The following ANO2 variants were observed in gnomAD, a reference collection of about 807,000 sequenced individuals.
The protein encoded by ANO2 is anoctamin-2.
In ANO2, 101 loss-of-function variants were observed where a neutral mutation model predicts 124.2. The ratio of observed to expected loss-of-function variants is 0.81; its 90% CI spans 0.69 to 0.96. ANO2 has a LOEUF of 0.96. Ranked by LOEUF, ANO2 falls within the 40% of genes least tolerant of loss-of-function variation. The pLI is 0.00. For missense variants in ANO2, 1,293 were observed against 1,274.5 expected, an observed-to-expected ratio of 1.01 and a Z score of -0.22; for synonymous variants, 486 against 482.5, an observed-to-expected ratio of 1.01 and a Z score of -0.09.
chr12:5,923,163 T>TACACAC (rs60529043), intron 1 of ANO2, among the ~76,000 whole-genome samples: 4,685 of 16,006 alleles, frequency 0.29, 1,358 homozygotes, highest in Middle Eastern at 0.5. Flanking sequence ...CACACACGCA[T>TACACAC]ACACACACAC....
At chr12:5,812,075 G>A (rs1953405395) in intron 7 of ANO2, among the ~76,000 whole-genome samples, 1 of 149,070 alleles carries the variant, frequency 6.7e-6, no homozygotes, top group African/African-American at 2.5e-5. Flanking sequence ...GGGGAGAAGA[G>A]GGGAGAGGAA....
chr12:5,893,969 T>C (rs933181751), intron 3 of ANO2, among the ~76,000 whole-genome samples: 5 of 152,196 alleles, frequency 3.3e-5, no homozygotes, highest in South Asian at 2.1e-4. Flanking sequence ...TGTGTCTTTA[T>C]AGTAGAACAA....
At chr12:5,814,542 T>C (rs146709954) in intron 7 of ANO2, among the ~76,000 whole-genome samples, 3 of 150,096 alleles carry the variant, frequency 2.0e-5, no homozygotes, top group South Asian at 2.1e-4. Flanking sequence ...TGCTCTATTC[T>C]TTCTCCTGAC....
At chr12:5,713,314 T>C (rs1591972025) in intron 14 of ANO2, among the ~76,000 whole-genome samples, 1 of 152,242 alleles carries the variant, frequency 6.6e-6, no homozygotes, top group South Asian at 2.1e-4. Flanking sequence ...TGGTGTCATT[T>C]AACAAGAATG....
intron 14 of ANO2, among the ~76,000 whole-genome samples, chr12:5,655,771 A>C: frequency 6.6e-6 from 1 of 152,240 alleles, no homozygotes; most frequent in Non-Finnish European, 1.5e-5. Context: ...AATAAGTGGC[A>C]GCTCTGGAAT....
At chr12:5,600,098 C>G (rs1943863026) in intron 19 of ANO2, among the ~76,000 whole-genome samples, 1 of 152,186 alleles carries the variant, frequency 6.6e-6, no homozygotes, top group Non-Finnish European at 1.5e-5. Flanking sequence ...CTACTATGGA[C>G]TGAATGATGT....
intron 7 of ANO2, among the ~76,000 whole-genome samples, chr12:5,819,151 A>G (rs1180182217): frequency 1.3e-5 from 2 of 152,160 alleles, no homozygotes; most frequent in Non-Finnish European, 2.9e-5. Flanking sequence ...GCCTCCCCTG[A>G]GGCAGTTGCC....
intron 15 of ANO2, among the ~76,000 whole-genome samples, chr12:5,643,003 T>C (rs753598757): frequency 6.6e-6 from 1 of 152,144 alleles, no homozygotes; most frequent in Non-Finnish European, 1.5e-5. Context: ...ACCAACCTAT[T>C]TAATATATGT....
intron 10 of ANO2, among the ~76,000 whole-genome samples, chr12:5,792,936 C>T (rs1952739079): frequency 6.6e-6 from 1 of 152,180 alleles, no homozygotes; most frequent in Admixed American, 6.5e-5. Context: ...GTATGTAAGG[C>T]TCCTCCTCTT....
At chr12:5,609,046 G>A (rs370039766) in intron 19 of ANO2, 16 of 152,192 alleles carry the variant, frequency 1.1e-4, no homozygotes, top group African/African-American at 3.4e-4. Context: ...TGGTTTCAAA[G>A]GGGCCAGATG....
intron 4 of ANO2, among the ~76,000 whole-genome samples, chr12:5,845,247 A>C (rs1954645911): frequency 6.6e-6 from 1 of 151,656 alleles, no homozygotes; most frequent in African/African-American, 2.4e-5. Flanking sequence ...CCTGGGCAAG[A>C]CTTTTTTGAA....
chr12:5,596,981 G>A (rs1943694388), intron 20 of ANO2, among the ~76,000 whole-genome samples: 1 of 152,046 alleles, frequency 6.6e-6, no homozygotes, highest in Non-Finnish European at 1.5e-5. Context: ...CTTGATAAGG[G>A]CAAGTGGGTA....
chr12:5,747,129 G>T (rs1366513011), intron 11 of ANO2, among the ~76,000 whole-genome samples: 2 of 152,232 alleles, frequency 1.3e-5, no homozygotes, highest in Non-Finnish European at 2.9e-5. Context: ...GAAGCTAGAA[G>T]AAGTGCACGC....
intron 10 of ANO2, among the ~76,000 whole-genome samples, chr12:5,789,024 C>T (rs750525544): frequency 1.3e-5 from 2 of 152,212 alleles, no homozygotes; most frequent in African/African-American, 2.4e-5. Flanking sequence ...CGAGACCTAA[C>T]CTTCTTAATC....
chr12:5,857,807 T>TAGATAGATAGATAGAC (rs1955150810), intron 3 of ANO2, among the ~76,000 whole-genome samples: 1 of 151,962 alleles, frequency 6.6e-6, no homozygotes, highest in Admixed American at 6.6e-5. Flanking sequence ...GATAGATAGA[T>TAGATAGATAGATAGAC]AGATAGATAG....
rs567698375 is a variant in ANO2 at position 5,706,381 on chromosome 12, C to G, written c.1545+26139G>C. On this transcript the variant is annotated intron_variant, in intron 14 of 24. Coordinates refer to ENST00000682330, the MANE Select transcript of ANO2 (RefSeq NM_001364791.2). ...TTTTGCTCTTTCCCATCCTGTCACA[C>G]TGGACGCCTGACTGCTCCTCTAACA... Among the ~76,000 whole-genome samples, 15 of 152,230 alleles carry G rather than the reference C, an allele frequency of 9.9e-5. No individual in the cohort carries two copies. In the East Asian group the frequency reaches 2.9e-3, roughly 29 times the overall value.
At chr12:5,808,220 T>A (rs1953264060) in intron 7 of ANO2, among the ~76,000 whole-genome samples, 1 of 152,238 alleles carries the variant, frequency 6.6e-6, no homozygotes, top group Non-Finnish European at 1.5e-5. Flanking sequence ...TATGTTTTAA[T>A]TCCAACAGTG....
At chr12:5,659,138 T>C (rs966139893) in intron 14 of ANO2, among the ~76,000 whole-genome samples, 2 of 152,158 alleles carry the variant, frequency 1.3e-5, no homozygotes, top group Non-Finnish European at 2.9e-5. Flanking sequence ...GGGTGAGCTT[T>C]CAAGGCCTCT....
chr12:5,564,111 C>T (rs1282316404), intron 24 of ANO2, among the ~76,000 whole-genome samples: 1 of 152,200 alleles, frequency 6.6e-6, no homozygotes, highest in Admixed American at 6.5e-5. Context: ...TTCGGGCCTT[C>T]ACTGACCCAA....
Sources: gnomAD v4.1 joint callset for allele counts (sites outside exome capture counted in the v4.1 genomes callset) on GRCh38, gnomAD v4.1.1 for gene constraint, MANE v1.5 for transcripts, NCBI Gene and HGNC (gene_info 2026-07-23, HGNC 2026-07-21) for gene names.